Variants in KIF26B observed in about 807,000 individuals in gnomAD.
KIF26B encodes kinesin family member 26B, also known as kinesin-like protein KIF26B.
In KIF26B, 63 loss-of-function variants were observed where a neutral mutation model predicts 151.2. The ratio of observed to expected loss-of-function variants is 0.42; its 90% CI spans 0.34 to 0.51. KIF26B has a LOEUF of 0.51. KIF26B is among the 20% of genes least tolerant of loss of function. KIF26B has a pLI of 0.07. For synonymous variants in KIF26B, 1,357 were observed against 1,262.1 expected, an observed-to-expected ratio of 1.08 and a Z score of -1.59; for missense variants, 2,813 against 2,913.6, an observed-to-expected ratio of 0.97 and a Z score of 0.79.
chr1:245,283,690 A>AT (rs35386952), intron 2 of KIF26B, among the ~76,000 whole-genome samples: 7,144 of 141,604 alleles, frequency 0.05, 327 homozygotes, highest in African/African-American at 0.094. Context: ...AAGCTTGAGA[A>AT]TTTTTTTTTT....
intron 2 of KIF26B, among the ~76,000 whole-genome samples, chr1:245,333,366 C>T (rs114325053): frequency 3.9e-5 from 6 of 152,276 alleles, no homozygotes; most frequent in East Asian, 3.9e-4. Flanking sequence ...TACTGTGTGA[C>T]GCCACTTAGG....
intron 2 of KIF26B, among the ~76,000 whole-genome samples, chr1:245,234,073 G>A (rs996270351): frequency 4.6e-5 from 7 of 151,820 alleles, no homozygotes; most frequent in African/African-American, 1.5e-4. Flanking sequence ...AATCCCAGCT[G>A]CTCAGGGGGC....
intron 4 of KIF26B, among the ~76,000 whole-genome samples, chr1:245,524,957 AT>A (rs1661207440): frequency 6.6e-6 from 1 of 152,120 alleles, no homozygotes; most frequent in Non-Finnish European, 1.5e-5. Context: ...GGCATTTAAC[AT>A]TCTTAGCCAC....
intron 4 of KIF26B, among the ~76,000 whole-genome samples, chr1:245,472,272 G>A (rs1659932978): frequency 6.6e-6 from 1 of 152,170 alleles, no homozygotes; most frequent in South Asian, 2.1e-4. Flanking sequence ...TTCTCACCAC[G>A]TATTTATTGA....
chr1:245,702,800 C>T lies in KIF26B; in HGVS notation c.*194C>T, dbSNP rs1054092253. 8 of 550,068 alleles carry T rather than the reference C, an allele frequency of 1.5e-5. No individual in the cohort carries two copies. The highest frequency in any genetic ancestry group is 4.4e-5 in the South Asian group (1 of 22,936). The allele number at this position is 550,068 out of a possible 1,614,324, so 34.1% of individuals were successfully genotyped here. ...TAGGAAAGGTGCAAACGTCAAACAC[C>T]GTGGAAGGAGAAAAGGATGGGAAGC... is the stretch of plus-strand genomic sequence containing the variant. On this transcript the variant is annotated 3_prime_UTR_variant, in exon 15 of 15. Transcript: ENST00000407071. This position sits in a 1 kb window ranked among gnomAD's most constrained non-coding sequence, Gnocchi z 4.1.
At chr1:245,520,568 TCATCCATCCATC>T (rs74163061) in intron 4 of KIF26B, among the ~76,000 whole-genome samples, 12 of 108,014 alleles carry the variant, frequency 1.1e-4, no homozygotes, top group South Asian at 3.5e-4. Flanking sequence ...ATCCACCCAT[TCATCCATCCATC>T]CATCCATCCA....
intron 3 of KIF26B, chr1:245,371,831 G>C (rs1673136337): frequency 6.6e-6 from 1 of 152,156 alleles, no homozygotes; most frequent in Non-Finnish European, 1.5e-5. Context: ...ATTTTAAAAA[G>C]AGTAATTTAG....
intron 10 of KIF26B, among the ~76,000 whole-genome samples, chr1:245,652,608 A>G (rs1161947689): frequency 2.6e-5 from 4 of 152,302 alleles, no homozygotes; most frequent in Middle Eastern, 3.4e-3. Context: ...TGCCAGGCTC[A>G]TTATAGAACC....
chr1:245,237,484 C>T (rs78640195), intron 2 of KIF26B, among the ~76,000 whole-genome samples: 235 of 152,212 alleles, frequency 1.5e-3, no homozygotes, highest in African/African-American at 5.5e-3. Flanking sequence ...GATCACCCAG[C>T]CGTGGTAAGG....
chr1:245,617,084 T>TTTTG lies in KIF26B; in HGVS notation c.2098+5132_2098+5135dup, dbSNP rs139746401. Among the ~76,000 whole-genome samples, 1,419 of 150,998 alleles carry TTTTG rather than the reference T, an allele frequency of 9.4e-3. 30 individuals are homozygous for TTTTG. The highest frequency in any genetic ancestry group is 0.032 in the African/African-American group (1,305 of 40,760). On this transcript the variant is annotated intron_variant, in intron 9 of 14. Transcript: ENST00000407071. Reference sequence around the variant, plus strand: ...TCTCATCAGACTCTTTAATCTGTTTTTTTGTTTGTTTGTTTGTTTGTTTGT... The same window carrying TTTTG: ...TCTCATCAGACTCTTTAATCTGTTTTTTTGTTTGTTTGTTTGTTTGTTTGTTTGT...
chr1:245,367,619 C>G lies in KIF26B; in HGVS notation c.999+252C>G, dbSNP rs1002732738. On this transcript the variant is annotated intron_variant, in intron 3 of 14. Coordinates refer to ENST00000407071, the MANE Select transcript of KIF26B (RefSeq NM_018012.4). The surrounding 1 kb of genome is among the most constrained non-coding windows in gnomAD (Gnocchi z 4.2). ...CTTCAGTGTCTCCTTCCTGAGAGAC[C>G]CTCTTTGTGTAAGAGGTCCTTGCTG... Among the ~76,000 whole-genome samples the G allele has an allele frequency of 2.0e-5, 3 of 152,208 alleles. No homozygotes were observed. The highest frequency in any genetic ancestry group is 7.2e-5 in the African/African-American group (3 of 41,452).
At chr1:245,305,830 C>T (rs765932076) in intron 2 of KIF26B, among the ~76,000 whole-genome samples, 2 of 145,802 alleles carry the variant, frequency 1.4e-5, no homozygotes, top group Non-Finnish European at 3.0e-5. Flanking sequence ...CCCAGCTACT[C>T]GGGAGACTGA....
chr1:245,674,027 G>T (rs1229089010), intron 10 of KIF26B: 1 of 152,226 alleles, frequency 6.6e-6, no homozygotes, highest in African/African-American at 2.4e-5. Flanking sequence ...TTGCTGCAGA[G>T]ATCTCTGGCA....
intron 2 of KIF26B, among the ~76,000 whole-genome samples, chr1:245,189,892 T>C (rs775408880): frequency 2.6e-5 from 4 of 152,156 alleles, no homozygotes; most frequent in African/African-American, 4.8e-5. Context: ...ACGTCTTACA[T>C]GGTGGCAGAC....
At chr1:245,562,240 G>A (rs1002250447) in intron 5 of KIF26B, among the ~76,000 whole-genome samples, 1 of 152,116 alleles carries the variant, frequency 6.6e-6, no homozygotes, top group Non-Finnish European at 1.5e-5. Context: ...CAGATTAGAG[G>A]ACAGAAATTC....
At chr1:245,246,178 A>C (rs1334497347) in intron 2 of KIF26B, among the ~76,000 whole-genome samples, 1 of 152,058 alleles carries the variant, frequency 6.6e-6, no homozygotes, top group Non-Finnish European at 1.5e-5. Flanking sequence ...CTTAAGATTT[A>C]CAGCCGAATA....
chr1:245,474,872 G>C (rs1659999559), intron 4 of KIF26B, among the ~76,000 whole-genome samples: 1 of 151,782 alleles, frequency 6.6e-6, no homozygotes, highest in African/African-American at 2.4e-5. Context: ...AAATATGAGT[G>C]AGAACGTGTG....
intron 2 of KIF26B, among the ~76,000 whole-genome samples, chr1:245,173,968 G>A (rs533229803): frequency 4.6e-5 from 7 of 152,188 alleles, no homozygotes; most frequent in Non-Finnish European, 7.3e-5. Context: ...TACACGGGCA[G>A]GGCAGTCGTC....
At position 245,217,363 on chromosome 1, in the gene KIF26B, A is replaced by AT. The variant is rs10533175; in HGVS notation, c.465+60699dup. ...CTGGTGGTGATTGTTTTATTTGTTA[A>AT]TTTTTTTTTTTTTTTTTTTGAGACG... On this transcript the variant is annotated intron_variant, in intron 2 of 14. Transcript: ENST00000407071. Among the ~76,000 whole-genome samples the AT allele has an allele frequency of 1.4e-3, 160 of 116,026 alleles. 1 individual carries two copies. Among genetic ancestry groups the AT allele is most frequent in the African/African-American group, 4.3e-3 (147 of 34,498 alleles). The allele number at this position is 116,026 out of a possible 152,430, so 76.1% of individuals were successfully genotyped here.
Sources: gnomAD v4.1 joint callset for allele counts (sites outside exome capture counted in the v4.1 genomes callset) on GRCh38, gnomAD v4.1.1 for gene constraint, Gnocchi (gnomAD v3.1) non-coding constraint, MANE v1.5 for transcripts, NCBI Gene and HGNC (gene_info 2026-07-23, HGNC 2026-07-21) for gene names.